RIMS2: variants seen among roughly 807,000 people sequenced by gnomAD.
The protein encoded by RIMS2 is regulating synaptic membrane exocytosis 2.
Under a neutral mutation model 174.4 loss-of-function variants are expected in RIMS2, and 59 were observed. That is an observed-to-expected ratio of 0.34 (90% CI 0.27 to 0.42). The LOEUF is 0.42. Ranked by LOEUF, RIMS2 falls within the 10% of genes least tolerant of loss-of-function variation. The probability of loss-of-function intolerance (pLI) is 1.00; values close to 1 mark genes in which losing one functional copy is unlikely to be tolerated. For missense variants in RIMS2, 1,620 were observed against 1,666.3 expected (o/e 0.97, Z 0.48); for synonymous variants, 606 against 572.5 (o/e 1.06, Z -0.84).
In RIMS2 at chr8:104,004,571, A is replaced by G. The variant is rs541559828; in HGVS notation, c.3045-8871A>G. Among the ~76,000 whole-genome samples, 9 of 152,342 alleles carry G rather than the reference A, an allele frequency of 5.9e-5. No homozygotes were observed. In the East Asian group the frequency reaches 1.2e-3, roughly 20 times the overall value. On this transcript the variant is annotated intron_variant, in intron 17 of 23. Transcript: ENST00000504942. Reference sequence around the variant, plus strand: ...GACCAGGAGATAAGAAAATGAACTTATCAAGAAAGTGTGAAGGAGAAAAAT... The same window carrying G: ...GACCAGGAGATAAGAAAATGAACTTGTCAAGAAAGTGTGAAGGAGAAAAAT...
rs117294431 is a variant in RIMS2 at position 104,173,003 on chromosome 8, C to T, written c.3335-71913C>T. Among the ~76,000 whole-genome samples the T allele has an allele frequency of 3.1e-4, 47 of 152,254 alleles. No individual in the cohort carries two copies. The East Asian group carries it at 8.5e-3, about 28-fold the overall frequency. On this transcript the variant is annotated intron_variant, in intron 19 of 23. Coordinates refer to ENST00000504942, the Ensembl canonical transcript of RIMS2. ...ATTGTTGTGAAAGAGTGGCGTTTTC[C>T]ACTAAAATAGCCTTGAAATGTTACC... is the stretch of plus-strand genomic sequence containing the variant.
chr8:103,608,374 G>T (rs2095226887), intron 1 of RIMS2, among the ~76,000 whole-genome samples: 1 of 143,552 alleles, frequency 7.0e-6, no homozygotes, highest in South Asian at 2.1e-4. Context: ...TGCGTACTGG[G>T]AGAACCACTG....
chr8:103,766,117 C>T (rs561615946), intron 2 of RIMS2, 110 bp from the exon 6 acceptor site: 5 of 648,740 alleles, frequency 7.7e-6, no homozygotes, highest in African/African-American at 7.3e-5. Flanking sequence ...TATGTTTTAA[C>T]TTCAGAAGGA....
At chr8:103,616,061 T>C (rs1301818071) in intron 1 of RIMS2, among the ~76,000 whole-genome samples, 2 of 151,856 alleles carry the variant, frequency 1.3e-5, no homozygotes, top group Non-Finnish European at 2.9e-5. Flanking sequence ...GGAAGAGACA[T>C]GATAAAAAAA....
chr8:103,777,657 G>C (rs2098333018), intron 3 of RIMS2, among the ~76,000 whole-genome samples: 1 of 151,792 alleles, frequency 6.6e-6, no homozygotes, highest in African/African-American at 2.4e-5. Flanking sequence ...TGCTAATTAG[G>C]GTTGATATAG....
intron 1 of RIMS2, among the ~76,000 whole-genome samples, chr8:103,597,039 G>A (rs1405358177): frequency 1.3e-5 from 2 of 151,998 alleles, no homozygotes; most frequent in African/African-American, 4.8e-5. Flanking sequence ...GAAATGATTT[G>A]GATAACAATG....
chr8:103,548,876 TGAC>T lies in RIMS2; in HGVS notation c.176+47815_176+47817del, dbSNP rs559703288. Among the ~76,000 whole-genome samples, 21 of 152,222 alleles carry T rather than the reference TGAC, an allele frequency of 1.4e-4. No homozygotes were observed. The South Asian group carries it at 4.4e-3, about 32-fold the overall frequency. ...CAAAAGCATTTTTATACATCAATGATGACCAAGCTGAAAGCCAAGTCAAGAATG... is the reference window on the plus strand; with the variant it reads ...CAAAAGCATTTTTATACATCAATGATCAAGCTGAAAGCCAAGTCAAGAATG... On this transcript the variant is annotated intron_variant, in intron 1 of 23. Coordinates refer to ENST00000504942, the Ensembl canonical transcript of RIMS2.
chr8:103,934,699 C>CT (rs398068108), intron 12 of RIMS2, among the ~76,000 whole-genome samples: 31,389 of 139,948 alleles, frequency 0.22, 3,559 homozygotes, highest in Middle Eastern at 0.26. Context: ...ATAAACCATT[C>CT]TTTTTTTTTT....
At position 103,979,938 on chromosome 8, in the gene RIMS2, TAA is replaced by T. The variant is rs999583719; in HGVS notation, c.2927+4433_2927+4434del. On this transcript the variant is annotated intron_variant, in intron 16 of 23. Coordinates refer to ENST00000504942, the Ensembl canonical transcript of RIMS2. ...ATCACCCATTCCATCAGTCAGAACT[TAA>T]GTTTCTTAGCAAGCTACGCCACAGT... Among the ~76,000 whole-genome samples the T allele has an allele frequency of 4.6e-5, 7 of 152,094 alleles. 1 individual carries two copies. Among genetic ancestry groups the T allele is most frequent in the Middle Eastern group, 3.2e-3 (1 of 316 alleles).
chr8:104,007,590 A>G (rs2095628338), intron 17 of RIMS2, among the ~76,000 whole-genome samples: 1 of 152,078 alleles, frequency 6.6e-6, no homozygotes, highest in African/African-American at 2.4e-5. Context: ...TTTTTACTAC[A>G]GTCTTTACCA....
intron 2 of RIMS2, among the ~76,000 whole-genome samples, chr8:103,704,191 T>C (rs1187021498): frequency 6.7e-6 from 1 of 149,936 alleles, no homozygotes; most frequent in Non-Finnish European, 1.5e-5. Flanking sequence ...TTAAAAATCA[T>C]TATTAAATGC....
exon 18 of RIMS2, chr8:104,013,497 C>G: frequency 6.2e-7 from 1 of 1,613,854 alleles, no homozygotes; most frequent in Non-Finnish European, 8.5e-7. Context: ...AACAGAACAA[C>G]GGCCTCTCCT....
chr8:103,768,961 A>G, intron 3 of RIMS2: 1 of 384,156 alleles, frequency 2.6e-6, no homozygotes, highest in Non-Finnish European at 5.1e-6. Context: ...TCAGGAACAA[A>G]TTGCTAAGAA....
At chr8:103,881,015 T>C (rs941943456) in intron 3 of RIMS2, among the ~76,000 whole-genome samples, 11 of 151,470 alleles carry the variant, frequency 7.3e-5, no homozygotes, top group African/African-American at 2.7e-4. Context: ...AACAAGTAGG[T>C]ATTTTTTCAG....
chr8:103,841,743 T>C (rs1488365357), intron 3 of RIMS2, among the ~76,000 whole-genome samples: 1 of 152,108 alleles, frequency 6.6e-6, no homozygotes, highest in Non-Finnish European at 1.5e-5. Context: ...CATTAAGAAA[T>C]AGCTTTACAT....
intron 1 of RIMS2, among the ~76,000 whole-genome samples, chr8:103,603,017 T>C (rs2094836726): frequency 1.3e-5 from 2 of 152,114 alleles, no homozygotes; most frequent in Admixed American, 6.5e-5. Flanking sequence ...TTTATTATAC[T>C]TTAAGTTTTA....
At chr8:103,607,213 T>C (rs139290894) in intron 1 of RIMS2, among the ~76,000 whole-genome samples, 11 of 152,166 alleles carry the variant, frequency 7.2e-5, no homozygotes, top group African/African-American at 2.2e-4. Context: ...ACAAAATCTC[T>C]CAGCGTTTGC....
intron 19 of RIMS2, among the ~76,000 whole-genome samples, 162 bp downstream of exon 21, chr8:104,014,777 T>A (rs1198054182): frequency 1.3e-5 from 2 of 152,178 alleles, no homozygotes; most frequent in Non-Finnish European, 2.9e-5. Context: ...TATTTTTGAA[T>A]AAAAATTTGT....
chr8:103,755,164 A>G lies in RIMS2; in HGVS notation c.388-11063A>G, dbSNP rs117408266. 9.9e-3 allele frequency among the ~76,000 whole-genome samples: 1,504 copies of G among 152,276 alleles called. 20 individuals are homozygous for G. The highest frequency in any genetic ancestry group is 0.05 in the South Asian group (239 of 4,820). The stretch of plus-strand genomic sequence containing the variant: ...CTCAGCATTTCCTTGTGTGTAAAGA[A>G]TTTTATTTCTGCTTCACTTATAAAA... On this transcript the variant is annotated intron_variant, in intron 2 of 23. Coordinates refer to ENST00000504942, the Ensembl canonical transcript of RIMS2.
Sources: allele counts gnomAD v4.1 joint callset (sites outside exome capture counted in the v4.1 genomes callset), GRCh38; gene constraint gnomAD v4.1.1; transcripts MANE v1.5; gene names NCBI Gene and HGNC (gene_info 2026-07-23, HGNC 2026-07-21).